The following ST8SIA6 variants were observed in gnomAD, a reference collection of about 807,000 sequenced individuals.
The protein encoded by ST8SIA6 is ST8 alpha-N-acetyl-neuraminide alpha-2,8-sialyltransferase 6, also known as alpha-2,8-sialyltransferase 8F.
Under a neutral mutation model 33.6 loss-of-function variants are expected in ST8SIA6, and 39 were observed. The observed-to-expected ratio is 1.16, with a 90% confidence interval of 0.90 to 1.52. ST8SIA6 has a LOEUF of 1.52. Among genes scored for constraint, ST8SIA6 ranks in the 40% most tolerant of loss-of-function variants. The pLI is 0.00. For synonymous variants in ST8SIA6, 172 were observed against 167.2 expected (o/e 1.03, Z -0.22); for missense variants, 441 against 443.8 (o/e 0.99, Z 0.06).
At chr10:17,429,645 C>T (rs1443050282) in intron 2 of ST8SIA6, among the ~76,000 whole-genome samples, 1 of 151,814 alleles carries the variant, frequency 6.6e-6, no homozygotes, top group African/African-American at 2.4e-5. Flanking sequence ...CCACCGTGCT[C>T]AGCTAATTTT....
chr10:17,439,271 CTTTTT>C (rs146928120), intron 2 of ST8SIA6, among the ~76,000 whole-genome samples: 6 of 124,198 alleles, frequency 4.8e-5, no homozygotes, highest in South Asian at 2.6e-4. Context: ...TCTTCCCTCT[CTTTTT>C]TTTTTTTTTT....
rs530588450 is a variant in ST8SIA6 at position 17,343,043 on chromosome 10, A to G, written c.378-11491T>C. 1.6e-3 allele frequency among the ~76,000 whole-genome samples: 244 copies of G among 152,348 alleles called. 1 individual carries two copies. Among genetic ancestry groups the G allele is most frequent in the Non-Finnish European group, 2.6e-3 (178 of 68,032 alleles). ...TCTTCCCCTAAACCTCAGTACTCCCAGAGCAAATCATTCCTTTCGCAAATA... is the reference window on the plus strand; with the variant it reads ...TCTTCCCCTAAACCTCAGTACTCCCGGAGCAAATCATTCCTTTCGCAAATA... On this transcript the variant is annotated intron_variant, in intron 4 of 7. Transcript: ENST00000377602.
intron 4 of ST8SIA6, among the ~76,000 whole-genome samples, chr10:17,340,390 G>A (rs1034191330): frequency 7.2e-5 from 11 of 151,906 alleles, no homozygotes; most frequent in South Asian, 4.2e-4. Flanking sequence ...CACGTGTTCC[G>A]TAACTGTCTT....
intron 4 of ST8SIA6, among the ~76,000 whole-genome samples, chr10:17,346,194 T>C (rs912823668): frequency 6.6e-6 from 1 of 152,222 alleles, no homozygotes; most frequent in Non-Finnish European, 1.5e-5. Flanking sequence ...TCTAGCTGAA[T>C]TCCTAGTAAG....
chr10:17,446,836 G>A (rs1006778998), intron 2 of ST8SIA6, among the ~76,000 whole-genome samples: 1 of 151,716 alleles, frequency 6.6e-6, no homozygotes, highest in South Asian at 2.1e-4. Flanking sequence ...GCTGCAGCAG[G>A]TGAATCACCT....
chr10:17,379,372 G>C (rs921792616), intron 3 of ST8SIA6, among the ~76,000 whole-genome samples: 3 of 152,060 alleles, frequency 2.0e-5, no homozygotes, highest in Non-Finnish European at 4.4e-5. Flanking sequence ...CGTTTGTTCC[G>C]TGATGCAGCA....
intron 3 of ST8SIA6, among the ~76,000 whole-genome samples, chr10:17,388,875 A>G (rs890693489): frequency 2.0e-5 from 3 of 152,170 alleles, no homozygotes; most frequent in African/African-American, 7.2e-5. Flanking sequence ...CTAACAAATT[A>G]GCTACAAGAT....
At chr10:17,323,783 T>C (rs1464682027) in intron 6 of ST8SIA6, among the ~76,000 whole-genome samples, 1 of 152,090 alleles carries the variant, frequency 6.6e-6, no homozygotes, top group East Asian at 1.9e-4. Context: ...TTTAGAAGAG[T>C]TCCCAATCCT....
chr10:17,423,259 C>T (rs1056121463), intron 2 of ST8SIA6, among the ~76,000 whole-genome samples: 9 of 152,176 alleles, frequency 5.9e-5, no homozygotes, highest in African/African-American at 1.2e-4. Flanking sequence ...TTTACAATTG[C>T]GCACTTCTGT....
chr10:17,401,011 G>A (rs1416717807), intron 2 of ST8SIA6, among the ~76,000 whole-genome samples: 1 of 152,172 alleles, frequency 6.6e-6, no homozygotes, highest in Non-Finnish European at 1.5e-5. Context: ...CAGATGACAC[G>A]ATTGTATATC....
chr10:17,442,991 C>T (rs1172790433), intron 2 of ST8SIA6, among the ~76,000 whole-genome samples: 1 of 152,132 alleles, frequency 6.6e-6, no homozygotes, highest in Non-Finnish European at 1.5e-5. Context: ...TTCGACTTCC[C>T]AGAACTACAA....
At chr10:17,383,597 G>T (rs1198930483) in intron 3 of ST8SIA6, among the ~76,000 whole-genome samples, 1 of 152,078 alleles carries the variant, frequency 6.6e-6, no homozygotes, top group African/African-American at 2.4e-5. Context: ...ATGGACAATT[G>T]TTGTCTTGTT....
At chr10:17,363,613 A>G (rs1353552715) in intron 3 of ST8SIA6, among the ~76,000 whole-genome samples, 1 of 152,130 alleles carries the variant, frequency 6.6e-6, no homozygotes, top group East Asian at 1.9e-4. Context: ...TTATCTTATT[A>G]ATATGCTGGA....
chr10:17,391,033 T>C (rs958160585), intron 2 of ST8SIA6, among the ~76,000 whole-genome samples: 1 of 151,800 alleles, frequency 6.6e-6, no homozygotes, highest in African/African-American at 2.4e-5. Context: ...TAATTTTGTA[T>C]TTTTAGTAGA....
At chr10:17,394,847 G>C (rs890636321) in intron 2 of ST8SIA6, among the ~76,000 whole-genome samples, 6 of 152,074 alleles carry the variant, frequency 3.9e-5, no homozygotes, top group African/African-American at 1.4e-4. Context: ...ATAGGGGATT[G>C]AGAGAAATTG....
chr10:17,444,740 A>T (rs78827341), intron 2 of ST8SIA6, among the ~76,000 whole-genome samples: 2,058 of 152,338 alleles, frequency 0.014, 25 homozygotes, highest in Non-Finnish European at 0.022. Flanking sequence ...CTGGGAAGCA[A>T]ATGTGAAACC....
At chr10:17,404,403 A>C (rs1049892860) in intron 2 of ST8SIA6, among the ~76,000 whole-genome samples, 15 of 152,104 alleles carry the variant, frequency 9.9e-5, no homozygotes, top group Non-Finnish European at 2.1e-4. Context: ...CAGCCCCTCC[A>C]TTGTATCGAA....
chr10:17,391,159 T>G (rs1377104950), intron 2 of ST8SIA6, among the ~76,000 whole-genome samples: 1 of 150,428 alleles, frequency 6.6e-6, no homozygotes, highest in Non-Finnish European at 1.5e-5. Context: ...TGCCTGGCCT[T>G]TGAGGACTTT....
At chr10:17,356,866 A>T (rs944972584) in intron 4 of ST8SIA6, among the ~76,000 whole-genome samples, 1 of 152,194 alleles carries the variant, frequency 6.6e-6, no homozygotes, top group African/African-American at 2.4e-5. Flanking sequence ...AGTGACTTTC[A>T]TACATCTCTG....
Sources: allele counts gnomAD v4.1 joint callset (sites outside exome capture counted in the v4.1 genomes callset), GRCh38; gene constraint gnomAD v4.1.1; transcripts MANE v1.5; gene names NCBI Gene and HGNC (gene_info 2026-07-23, HGNC 2026-07-21).